The following PCSK1 variants were observed in gnomAD, a reference collection of about 807,000 sequenced individuals.
PCSK1 encodes proprotein convertase subtilisin/kexin type 1.
Under a neutral mutation model 90.6 loss-of-function variants are expected in PCSK1, and 56 were observed. That is an observed-to-expected ratio of 0.62 (90% CI 0.50 to 0.77). The LOEUF is 0.77. Ranked by LOEUF, PCSK1 falls within the 30% of genes least tolerant of loss-of-function variation. The probability of loss-of-function intolerance (pLI) is 0.00; values close to 1 mark genes in which losing one functional copy is unlikely to be tolerated. For missense variants in PCSK1, 801 were observed against 932.6 expected, an observed-to-expected ratio of 0.86 and a Z score of 1.84; for synonymous variants, 348 against 342.4, an observed-to-expected ratio of 1.02 and a Z score of -0.18.
chr5:96,425,068 GAAAGAA>G (rs1561376541), intron 3 of PCSK1, among the ~76,000 whole-genome samples: 1 of 136,366 alleles, frequency 7.3e-6, no homozygotes, highest in African/African-American at 2.7e-5. Context: ...AAGAAAGAAA[GAAAGAA>G]AACGTAGGGT....
At chr5:96,407,044 A>T (rs953782840) in intron 9 of PCSK1, among the ~76,000 whole-genome samples, 1 of 152,212 alleles carries the variant, frequency 6.6e-6, no homozygotes, top group African/African-American at 2.4e-5. Flanking sequence ...TAAATTCCAG[A>T]GGGATTTAGA....
At position 96,410,838 on chromosome 5, in the gene PCSK1, G is replaced by T. The variant is rs748088472; in HGVS notation, c.1031C>A (p.Ala344Asp). 1 of 1,614,160 alleles carries T rather than the reference G, an allele frequency of 6.2e-7. No homozygotes were observed. Among genetic ancestry groups the T allele is most frequent in the Non-Finnish European group, 8.5e-7 (1 of 1,179,998 alleles). The change falls in exon 8 of 14, where the codon GCT becomes GAT. Residue 344 changes from alanine to aspartate, a missense_variant. Ala to Asp is a moderately radical substitution (Grantham distance 126). Transcript: ENST00000311106. ...ASQQGLSPWYAEKCSSTLATS... is the reference protein window; with the variant it reads ...ASQQGLSPWYDEKCSSTLATS... ...GGCCAGTGTGGAGGAGCACTTCTCA[G>T]CGTACCAGGGGGATAGGCCTTGCTG...
chr5:96,400,799 C>T (rs567643180), intron 9 of PCSK1, among the ~76,000 whole-genome samples: 30 of 152,218 alleles, frequency 2.0e-4, no homozygotes, highest in African/African-American at 7.2e-4. Flanking sequence ...TAGAAGTTTA[C>T]AATCCAGGCT....
intron 3 of PCSK1, among the ~76,000 whole-genome samples, chr5:96,425,021 AAAGAAAGAAAGAAAG>A (rs1561376289): frequency 1.6e-5 from 1 of 63,484 alleles, no homozygotes; most frequent in African/African-American, 6.3e-5. Context: ...AGAAAGAAAG[AAAGAAAGAAAGAAAG>A]AAAGAAAGAA....
intron 5 of PCSK1, among the ~76,000 whole-genome samples, chr5:96,420,791 G>A (rs77960842): frequency 2.0e-5 from 3 of 151,118 alleles, no homozygotes; most frequent in Non-Finnish European, 4.4e-5. Flanking sequence ...GAGAGAAAGA[G>A]AGAGAGAGAG....
Position 96,399,890 on chromosome 5 carries a change from C to T in PCSK1, c.1430+63G>A. 4.6e-6 allele frequency: 6 copies of T among 1,311,878 alleles called. No individual in the cohort carries two copies. In the South Asian group the frequency reaches 7.3e-5, roughly 16 times the overall value. The allele number at this position is 1,311,878 out of a possible 1,614,324, so 81.3% of individuals were successfully genotyped here. A position where few individuals can be genotyped will look rare whatever the true frequency, so the allele number is the denominator to read the frequency against. On this transcript the variant is annotated intron_variant, in intron 10 of 13. Coordinates refer to ENST00000311106, the MANE Select transcript of PCSK1 (RefSeq NM_000439.5). ...GATACAAAAAAATCAGGCAGAATGGCAAACATAGTAATGAAATTATGCCAT... is the reference window on the plus strand; with the variant it reads ...GATACAAAAAAATCAGGCAGAATGGTAAACATAGTAATGAAATTATGCCAT...
chr5:96,393,800 C>T (rs117514122), intron 13 of PCSK1, among the ~76,000 whole-genome samples: 1 of 152,302 alleles, frequency 6.6e-6, no homozygotes, highest in East Asian at 1.9e-4. Context: ...ATGGGTGTGC[C>T]TTCCTGGAGG....
intron 6 of PCSK1, among the ~76,000 whole-genome samples, chr5:96,414,263 A>G (rs1315361388): frequency 6.6e-6 from 1 of 152,162 alleles, no homozygotes; most frequent in Non-Finnish European, 1.5e-5. Context: ...GCTCATGTGC[A>G]TTCATGATAG....
intron 6 of PCSK1, among the ~76,000 whole-genome samples, chr5:96,413,960 A>C (rs1760857655): frequency 7.1e-6 from 1 of 139,906 alleles, no homozygotes; most frequent in Non-Finnish European, 1.5e-5. Flanking sequence ...TCCACTAAAA[A>C]TACAAAAAAA....
At chr5:96,425,470 G>T (rs904169373) in intron 3 of PCSK1, among the ~76,000 whole-genome samples, 1 of 152,090 alleles carries the variant, frequency 6.6e-6, no homozygotes, top group African/African-American at 2.4e-5. Flanking sequence ...TGCTTTAAAG[G>T]GTTCTGAAGA....
intron 8 of PCSK1, 82 bp downstream of exon 8, chr5:96,410,692 C>T (rs1760724213): frequency 8.8e-7 from 1 of 1,130,662 alleles, no homozygotes; most frequent in East Asian, 2.3e-5. Context: ...TCAGTCGTAC[C>T]AAAGGTCAGT....
chr5:96,408,333 G>T lies in PCSK1; in HGVS notation c.1096-10C>A. ...GCAGGTCAGCGCTCGTCTGGATGAC[G>T]TCAGGAAGGAGAGAAAGGCAGGGAG... On this transcript the variant is annotated splice_polypyrimidine_tract_variant and intron_variant, in intron 8 of 13. Transcript: ENST00000311106. The T allele has an allele frequency of 6.2e-7, 1 of 1,606,056 alleles. No homozygotes were observed. Among genetic ancestry groups the T allele is most frequent in the Non-Finnish European group, 8.5e-7 (1 of 1,172,938 alleles).
At chr5:96,423,500 T>C in intron 3 of PCSK1, 41 bp from the exon 4 acceptor site, 1 of 1,603,648 alleles carries the variant, frequency 6.2e-7, no homozygotes. Context: ...AAATTATCAT[T>C]TGCTTGCTAC....
chr5:96,431,806 GA>G (rs931694010), intron 1 of PCSK1, among the ~76,000 whole-genome samples: 1 of 152,058 alleles, frequency 6.6e-6, no homozygotes, highest in Non-Finnish European at 1.5e-5. Flanking sequence ...ACCACCTCCA[GA>G]AAAAACGCGC....
chr5:96,394,989 A>G lies in PCSK1; in HGVS notation c.1759T>C (p.Trp587Arg). The change falls in exon 13 of 14, where the codon TGG (tryptophan) becomes CGG (arginine). Residue 587 changes from tryptophan to arginine, a missense_variant. By Grantham distance (101) the Trp-to-Arg change is moderately radical. Coordinates refer to ENST00000311106, the MANE Select transcript of PCSK1 (RefSeq NM_000439.5). ...RIQNEGRIVN[W>R]KLILHGTSSQ... ...GAGGTCCCGTGCAAAATCAGCTTCCAGTTCACAATTCTTCCTTCATTTTGA... is the reference window on the plus strand; with the variant it reads ...GAGGTCCCGTGCAAAATCAGCTTCCGGTTCACAATTCTTCCTTCATTTTGA... The G allele has an allele frequency of 6.2e-7, 1 of 1,614,048 alleles. No individual in the cohort carries two copies.
intron 10 of PCSK1, 78 bp downstream of exon 10, chr5:96,399,875 A>T (rs1760291124): frequency 8.6e-7 from 1 of 1,156,772 alleles, no homozygotes; most frequent in Non-Finnish European, 1.3e-6. Flanking sequence ...GATACAAAAA[A>T]ATCAGGCAGA....
intron 6 of PCSK1, among the ~76,000 whole-genome samples, chr5:96,413,475 A>G (rs1434639480): frequency 6.6e-6 from 1 of 152,206 alleles, no homozygotes; most frequent in Non-Finnish European, 1.5e-5. Context: ...TGATCAGTGA[A>G]AGTTGTATTT....
chr5:96,399,152 C>G, intron 10 of PCSK1, 116 bp from the exon 11 acceptor site: 1 of 746,724 alleles, frequency 1.3e-6, no homozygotes, highest in Non-Finnish European at 2.3e-6. Context: ...TTGTCACTCC[C>G]TGTGATGTGT....
At chr5:96,425,224 C>T (rs996431443) in intron 3 of PCSK1, among the ~76,000 whole-genome samples, 13 of 152,262 alleles carry the variant, frequency 8.5e-5, no homozygotes, top group Admixed American at 3.9e-4. Context: ...ACCATACAGA[C>T]GTAACATTAA....
Sources: gnomAD v4.1 joint callset for allele counts (sites outside exome capture counted in the v4.1 genomes callset) on GRCh38, gnomAD v4.1.1 for gene constraint, MANE v1.5 for transcripts, NCBI Gene and HGNC (gene_info 2026-07-23, HGNC 2026-07-21) for gene names.